DOCK2: variants seen among roughly 807,000 people sequenced by gnomAD.
DOCK2 encodes the protein dedicator of cytokinesis protein 2.
A neutral mutation model predicts 248.9 loss-of-function variants in DOCK2; 87 were observed. The observed-to-expected ratio is 0.35, with a 90% CI of 0.29 to 0.42. The LOEUF (loss-of-function observed/expected upper bound fraction) is 0.42. DOCK2 is among the 10% of genes least tolerant of loss of function. The probability of loss-of-function intolerance (pLI) is 1.00; values close to 1 mark genes in which losing one functional copy is unlikely to be tolerated. For synonymous variants in DOCK2, 805 were observed against 821.6 expected (o/e 0.98, Z 0.35); for missense variants, 1,747 against 2,300.2 (o/e 0.76, Z 4.92).
intron 20 of DOCK2, 151 bp from the exon 21 acceptor site, chr5:169,717,233 G>A: frequency 3.3e-6 from 2 of 610,890 alleles, no homozygotes; most frequent in East Asian, 5.7e-5. Context: ...TTTTCTTTGG[G>A]AAGATGCTAC....
intron 27 of DOCK2, among the ~76,000 whole-genome samples, chr5:169,947,478 G>C (rs1024331311): frequency 1.3e-5 from 2 of 152,190 alleles, no homozygotes; most frequent in Non-Finnish European, 2.9e-5. Context: ...GAAAGCACAG[G>C]CTCAGAGAGG....
intron 27 of DOCK2, among the ~76,000 whole-genome samples, chr5:169,859,958 C>CTTTTTTTTTTTTTTTTTTTTTTTTTT (rs759586059): frequency 1.9e-5 from 2 of 107,220 alleles, no homozygotes; most frequent in Non-Finnish European, 3.6e-5. Context: ...GTGGATCCTT[C>CTTTTTTTTTTTTTTTTTTTTTTTTTT]TTTTTTTTTT....
intron 34 of DOCK2, among the ~76,000 whole-genome samples, chr5:170,030,952 G>A (rs1756113757): frequency 6.6e-6 from 1 of 152,232 alleles, no homozygotes; most frequent in African/African-American, 2.4e-5. Flanking sequence ...GGAACACAAG[G>A]TTTAAGGCAT....
At chr5:169,729,091 A>G (rs1272351423) in intron 22 of DOCK2, among the ~76,000 whole-genome samples, 1 of 152,202 alleles carries the variant, frequency 6.6e-6, no homozygotes, top group Non-Finnish European at 1.5e-5. Context: ...TGCTCAGAGA[A>G]TGACTTGGGT....
chr5:169,714,313 C>T (rs779064789), intron 18 of DOCK2, 47 bp from the exon 19 acceptor site: 1 of 1,613,168 alleles, frequency 6.2e-7, no homozygotes, highest in Non-Finnish European at 8.5e-7. Context: ...CTGATATGGA[C>T]AGTTAGGCCA....
chr5:170,015,451 A>G (rs1444976123), intron 32 of DOCK2, among the ~76,000 whole-genome samples: 1 of 152,140 alleles, frequency 6.6e-6, no homozygotes, highest in Non-Finnish European at 1.5e-5. Context: ...TGAGGAGAGA[A>G]TTGATTGCCT....
rs1326580926 is a variant in DOCK2 at position 169,667,345 on chromosome 5, G to A, written c.128-1943G>A. On this transcript the variant is annotated intron_variant, in intron 2 of 51. Coordinates refer to ENST00000520908, the MANE Select transcript of DOCK2 (RefSeq NM_004946.3). ...GCTTGAGTTTGAACTCTGGTTGTAT[G>A]ATCTTGGCCCAGCCCATCAATTGAC... is the stretch of plus-strand genomic sequence containing the variant. Among the ~76,000 whole-genome samples the A allele has an allele frequency of 3.9e-5, 6 of 152,182 alleles. No homozygotes were observed. The South Asian group carries it at 1.0e-3, about 26-fold the overall frequency.
In DOCK2 at chr5:169,985,964, C is replaced by T. The variant is rs781045449; in HGVS notation, c.2993+42C>T. ...TTCCGCAAAGCTACCTTACCCAGCC[C>T]TCACTTCAAAGATCACTTATTTTGG... On this transcript the variant is annotated intron_variant, in intron 29 of 51. Transcript: ENST00000520908. The T allele has an allele frequency of 1.3e-5, 20 of 1,544,530 alleles. No homozygotes were observed. In the Admixed American group the frequency reaches 3.2e-4, roughly 25 times the overall value.
chr5:170,014,540 A>G (rs755134385), intron 32 of DOCK2, among the ~76,000 whole-genome samples: 9 of 151,006 alleles, frequency 6.0e-5, no homozygotes, highest in Non-Finnish European at 1.2e-4. Context: ...GACTAGCCAC[A>G]TTTCAAGGGC....
chr5:169,713,940 T>A (rs1164781435), intron 17 of DOCK2, 88 bp from the exon 18 acceptor site: 6 of 1,423,558 alleles, frequency 4.2e-6, no homozygotes, highest in Non-Finnish European at 4.7e-6. Flanking sequence ...TCTCCCCACT[T>A]CACAGTGTCT....
intron 26 of DOCK2, among the ~76,000 whole-genome samples, chr5:169,819,128 G>A (rs949372101): frequency 6.6e-6 from 1 of 152,100 alleles, no homozygotes; most frequent in African/African-American, 2.4e-5. Context: ...ATACCCGCAG[G>A]AGACCAATTA....
intron 25 of DOCK2, among the ~76,000 whole-genome samples, chr5:169,770,924 A>G (rs1361393834): frequency 6.6e-6 from 1 of 152,206 alleles, no homozygotes; most frequent in African/African-American, 2.4e-5. Context: ...ACATTCTTGT[A>G]CATGTCTCTT....
intron 27 of DOCK2, among the ~76,000 whole-genome samples, chr5:169,948,481 C>A (rs1042836679): frequency 2.0e-5 from 3 of 152,112 alleles, no homozygotes; most frequent in Non-Finnish European, 4.4e-5. Flanking sequence ...CTCTCTCTCT[C>A]TATCTGTATA....
At chr5:169,702,135 C>T (rs559042757) in intron 13 of DOCK2, 168 bp from the exon 14 acceptor site, 1 of 694,906 alleles carries the variant, frequency 1.4e-6, no homozygotes, top group Non-Finnish European at 2.1e-6. Context: ...TTACCTACTT[C>T]TCCAGCCTCC....
At chr5:169,657,025 G>C (rs2113199562) in intron 2 of DOCK2, among the ~76,000 whole-genome samples, 1 of 152,234 alleles carries the variant, frequency 6.6e-6, no homozygotes, top group Non-Finnish European at 1.5e-5. Flanking sequence ...TTGGTAAATG[G>C]CTAATAATTT....
chr5:169,660,514 C>T (rs1404120112), intron 2 of DOCK2, among the ~76,000 whole-genome samples: 1 of 152,078 alleles, frequency 6.6e-6, no homozygotes, highest in African/African-American at 2.4e-5. Flanking sequence ...TATTGGAGTG[C>T]TTTCTAAGTG....
intron 27 of DOCK2, among the ~76,000 whole-genome samples, chr5:169,959,385 A>T (rs1226581069): frequency 6.6e-6 from 1 of 151,714 alleles, no homozygotes; most frequent in Non-Finnish European, 1.5e-5. Flanking sequence ...AAAAAAAAAA[A>T]GGAACAAACT....
At chr5:169,938,432 C>G (rs1228115513) in intron 27 of DOCK2, among the ~76,000 whole-genome samples, 1 of 152,156 alleles carries the variant, frequency 6.6e-6, no homozygotes, top group Non-Finnish European at 1.5e-5. Flanking sequence ...GCCTATTGCT[C>G]CTACGCTGTA....
chr5:170,034,514 G>T lies in DOCK2; in HGVS notation c.3583G>T (p.Glu1195Ter). ...LLDYRGVMTDESKDNRMSCTV... is the reference protein window; with the variant it reads ...LLDYRGVMTD ...GGATTACCGGGGTGTGATGACAGAT[G>T]AGAGCAAAGACAACCGCATGAGCTG... The change falls in exon 35 of 52, where the codon GAG (glutamate) becomes TAG (stop). Residue 1195 changes from glutamate (E) to a stop codon, truncating the protein, a stop_gained. Coordinates refer to ENST00000520908, the MANE Select transcript of DOCK2 (RefSeq NM_004946.3). LOFTEE classifies it high-confidence loss of function. The T allele has an allele frequency of 6.2e-7, 1 of 1,614,160 alleles. No homozygotes were observed. The highest frequency in any genetic ancestry group is 1.1e-5 in the South Asian group (1 of 91,072).
Sources: allele counts gnomAD v4.1 joint callset (sites outside exome capture counted in the v4.1 genomes callset), GRCh38; gene constraint gnomAD v4.1.1; transcripts MANE v1.5; gene names NCBI Gene and HGNC (gene_info 2026-07-23, HGNC 2026-07-21).